Variants in EYS observed in about 807,000 individuals in gnomAD.
EYS encodes the protein protein eyes shut homolog.
In EYS, 250 loss-of-function variants were observed where a neutral mutation model predicts 282.1. That is an observed-to-expected ratio of 0.89 (90% CI 0.80 to 0.98). EYS has a LOEUF of 0.98. EYS is among the 50% of genes least tolerant of loss of function. The probability of loss-of-function intolerance (pLI) is 0.00; values close to 1 mark genes in which losing one functional copy is unlikely to be tolerated. For missense variants in EYS, 4,016 were observed against 3,709.0 expected (o/e 1.08, Z -2.15); for synonymous variants, 1,355 against 1,282.9 (o/e 1.06, Z -1.20).
chr6:65,113,263 CT>C (rs1367356923), intron 12 of EYS, among the ~76,000 whole-genome samples: 1 of 151,922 alleles, frequency 6.6e-6, no homozygotes, highest in African/African-American at 2.4e-5. Context: ...AAATGTATTG[CT>C]TTACTGCTAT....
Position 65,112,747 on chromosome 6 carries a change from A to C in EYS, c.2024-55020T>G, listed in dbSNP as rs554294781. The stretch of plus-strand genomic sequence containing the variant: ...CTCAAACCTCTACTAACTTCAGTGG[A>C]TATTACTTTATGAATTTTACAGTAT... On this transcript the variant is annotated intron_variant, in intron 12 of 42. Transcript: ENST00000503581. Among the ~76,000 whole-genome samples, 10 of 152,234 alleles carry C rather than the reference A, an allele frequency of 6.6e-5. No individual in the cohort carries two copies. In the East Asian group the frequency reaches 1.9e-3, roughly 29 times the overall value.
At chr6:64,860,430 G>A (rs9363278) in intron 19 of EYS, among the ~76,000 whole-genome samples, 23,656 of 152,244 alleles carry the variant, frequency 0.16, 2,164 homozygotes, top group East Asian at 0.49. Flanking sequence ...AGGCACACTG[G>A]CTGTGGCAGG....
intron 7 of EYS, among the ~76,000 whole-genome samples, chr6:65,386,406 G>GT (rs34422988): frequency 0.41 from 61,406 of 149,422 alleles, 13,527 homozygotes; most frequent in South Asian, 0.5. Flanking sequence ...GAACTTTAAA[G>GT]TTTTTTTTTT....
intron 7 of EYS, among the ~76,000 whole-genome samples, chr6:65,389,331 A>T (rs1562144227): frequency 6.6e-6 from 1 of 152,070 alleles, no homozygotes; most frequent in Non-Finnish European, 1.5e-5. Context: ...GTTAGACTGG[A>T]CTCATGCATG....
At chr6:65,561,495 G>A (rs908638375) in intron 2 of EYS, among the ~76,000 whole-genome samples, 2 of 151,766 alleles carry the variant, frequency 1.3e-5, no homozygotes, top group African/African-American at 4.8e-5. Context: ...ATTTTTTGTT[G>A]ACCTAATTGT....
At chr6:63,855,522 C>T (rs2149705556) in intron 36 of EYS, among the ~76,000 whole-genome samples, 1 of 152,216 alleles carries the variant, frequency 6.6e-6, no homozygotes, top group Non-Finnish European at 1.5e-5. Flanking sequence ...AGGCTCAGGG[C>T]AACAGCATAC....
At chr6:65,071,589 C>T (rs951100886) in intron 12 of EYS, among the ~76,000 whole-genome samples, 2 of 151,612 alleles carry the variant, frequency 1.3e-5, no homozygotes, top group Non-Finnish European at 3.0e-5. Context: ...TCACATATAC[C>T]AACAACAGCA....
chr6:65,108,225 T>C (rs2150187319), intron 12 of EYS, among the ~76,000 whole-genome samples: 1 of 152,302 alleles, frequency 6.6e-6, no homozygotes, highest in South Asian at 2.1e-4. Context: ...TAGTTTAAAA[T>C]ATCTCTATCA....
chr6:64,028,094 A>G (rs1489755901), intron 33 of EYS, among the ~76,000 whole-genome samples: 4 of 152,120 alleles, frequency 2.6e-5, no homozygotes, highest in Non-Finnish European at 5.9e-5. Flanking sequence ...CCACACCCTT[A>G]TTAGGGAGGG....
At chr6:64,035,569 T>G (rs888796057) in intron 33 of EYS, among the ~76,000 whole-genome samples, 2 of 152,174 alleles carry the variant, frequency 1.3e-5, no homozygotes, top group Admixed American at 6.5e-5. Flanking sequence ...GAAGAAGTAA[T>G]ACACTTTCTA....
chr6:64,182,909 T>C (rs1764829575), intron 31 of EYS, among the ~76,000 whole-genome samples: 1 of 152,114 alleles, frequency 6.6e-6, no homozygotes, highest in African/African-American at 2.4e-5. Flanking sequence ...GGGCCTTGGC[T>C]GACACAGCAC....
At chr6:65,694,052 G>T (rs975043006) in intron 1 of EYS, among the ~76,000 whole-genome samples, 1 of 150,288 alleles carries the variant, frequency 6.7e-6, no homozygotes. Flanking sequence ...TGAAACTTTT[G>T]TTCTATAACT....
chr6:64,760,749 G>A (rs1052995570), intron 22 of EYS, among the ~76,000 whole-genome samples: 2 of 152,148 alleles, frequency 1.3e-5, no homozygotes, highest in African/African-American at 2.4e-5. Flanking sequence ...AGTGCAAAGT[G>A]CATTCATAAG....
At chr6:65,119,464 G>A (rs1250145832) in intron 12 of EYS, among the ~76,000 whole-genome samples, 1 of 151,686 alleles carries the variant, frequency 6.6e-6, no homozygotes, top group African/African-American at 2.4e-5. Flanking sequence ...TTCAAATATA[G>A]GTAAACTTGA....
chr6:64,947,086 C>T (rs565121332), intron 14 of EYS, among the ~76,000 whole-genome samples: 3 of 151,924 alleles, frequency 2.0e-5, no homozygotes, highest in South Asian at 4.1e-4. Flanking sequence ...GATTACAGAA[C>T]GCATCTTAGT....
chr6:65,543,998 GAA>G lies in EYS; in HGVS notation c.-332-48007_-332-48006del, dbSNP rs1478557749. 3.4e-3 allele frequency among the ~76,000 whole-genome samples: 471 copies of G among 139,080 alleles called. 2 individuals are homozygous for G. Among genetic ancestry groups the G allele is most frequent in the African/African-American group, 0.013 (448 of 34,500 alleles). The allele number at this position is 139,080 out of a possible 152,430, so 91.2% of individuals were successfully genotyped here. A position where few individuals can be genotyped will look rare whatever the true frequency, so the allele number is the denominator to read the frequency against. ...CTTTCCCACTTATTACTGAAAAAGA[GAA>G]AGTGTGTGTGTGTGTGTGTGTGTGT... On this transcript the variant is annotated intron_variant, in intron 2 of 42. Coordinates refer to ENST00000503581, the MANE Select transcript of EYS (RefSeq NM_001142800.2).
At chr6:65,370,181 G>A (rs9342469) in intron 8 of EYS, among the ~76,000 whole-genome samples, 3 of 150,450 alleles carry the variant, frequency 2.0e-5, no homozygotes, top group Non-Finnish European at 4.4e-5. Context: ...CTTAGCTTAC[G>A]CAATGCCTCT....
chr6:63,820,373 C>T (rs973198677), intron 36 of EYS, among the ~76,000 whole-genome samples: 64 of 152,244 alleles, frequency 4.2e-4, no homozygotes, highest in African/African-American at 1.2e-3. Flanking sequence ...AATCCTTTGT[C>T]ACCTCACAAA....
At position 64,984,189 on chromosome 6, in the gene EYS, T is replaced by A. The variant is rs189888533; in HGVS notation, c.2259+13393A>T. Among the ~76,000 whole-genome samples, 662 of 151,488 alleles carry A rather than the reference T, an allele frequency of 4.4e-3. 3 individuals are homozygous for A. Among genetic ancestry groups the A allele is most frequent in the Middle Eastern group, 6.8e-3 (2 of 294 alleles). On this transcript the variant is annotated intron_variant, in intron 14 of 42. Transcript: ENST00000503581. ...ACTGGACTTCTGAGGTCAGATATAG[T>A]CTCTGGGCCCTCCAGATAAACTACC...
Sources: gnomAD v4.1 joint callset for allele counts (sites outside exome capture counted in the v4.1 genomes callset) on GRCh38, gnomAD v4.1.1 for gene constraint, MANE v1.5 for transcripts, NCBI Gene and HGNC (gene_info 2026-07-23, HGNC 2026-07-21) for gene names.